LRMDA: variants seen among roughly 807,000 people sequenced by gnomAD.
LRMDA encodes the protein leucine rich melanocyte differentiation associated.
In LRMDA, 18 loss-of-function variants were observed where a neutral mutation model predicts 29.8. The observed-to-expected ratio is 0.60, with a 90% CI of 0.42 to 0.90. The LOEUF is 0.90. Among genes scored for constraint, LRMDA ranks in the 40% least tolerant of loss-of-function variants. LRMDA has a pLI of 0.00. For missense variants in LRMDA, 273 were observed against 273.9 expected (o/e 1.00, Z 0.02); for synonymous variants, 125 against 109.4 (o/e 1.14, Z -0.89).
At chr10:76,333,084 T>C (rs1392519995) in intron 6 of LRMDA, among the ~76,000 whole-genome samples, 1 of 152,028 alleles carries the variant, frequency 6.6e-6, no homozygotes, top group African/African-American at 2.4e-5. Flanking sequence ...GAAGAACATG[T>C]TAAGTGGAGA....
At chr10:75,715,493 G>A in intron 2 of LRMDA, among the ~76,000 whole-genome samples, 1 of 151,704 alleles carries the variant, frequency 6.6e-6, no homozygotes, top group Non-Finnish European at 1.5e-5. Context: ...TGAAAACTAG[G>A]ATCATTCTAT....
intron 2 of LRMDA, among the ~76,000 whole-genome samples, chr10:75,820,267 C>G (rs77232638): frequency 0.017 from 2,582 of 152,244 alleles, 86 homozygotes; most frequent in East Asian, 0.14. Context: ...ACAAGGCAAG[C>G]CTCAATACAT....
chr10:76,553,904 C>G (rs1280465543), intron 6 of LRMDA, among the ~76,000 whole-genome samples: 3 of 152,162 alleles, frequency 2.0e-5, no homozygotes, highest in African/African-American at 7.2e-5. Flanking sequence ...CCCACGCCTT[C>G]CTGGAGCAGC....
At chr10:76,106,131 A>G (rs1849480642) in intron 5 of LRMDA, among the ~76,000 whole-genome samples, 1 of 152,196 alleles carries the variant, frequency 6.6e-6, no homozygotes, top group Non-Finnish European at 1.5e-5. Context: ...CCCAATAAGC[A>G]TGTGCCGAAT....
chr10:75,666,983 G>T (rs996798294), intron 2 of LRMDA, among the ~76,000 whole-genome samples: 1 of 152,128 alleles, frequency 6.6e-6, no homozygotes, highest in Non-Finnish European at 1.5e-5. Context: ...TTCCTGAAAG[G>T]CAGCTAGGAT....
chr10:75,643,144 A>G (rs1193561978), intron 2 of LRMDA: 1 of 152,086 alleles, frequency 6.6e-6, no homozygotes, highest in Non-Finnish European at 1.5e-5. Flanking sequence ...TTTTTTTTAA[A>G]CTTTGTTAAA....
chr10:76,124,999 A>T (rs1849855410), intron 5 of LRMDA, among the ~76,000 whole-genome samples: 1 of 152,248 alleles, frequency 6.6e-6, no homozygotes, highest in South Asian at 2.1e-4. Flanking sequence ...ATTTCTACTT[A>T]ACTAAGAAGG....
chr10:76,217,600 G>A (rs2132253473), intron 5 of LRMDA, among the ~76,000 whole-genome samples: 1 of 152,266 alleles, frequency 6.6e-6, no homozygotes, highest in Non-Finnish European at 1.5e-5. Context: ...ACTGTGATGG[G>A]GAAGAAGAAG....
chr10:75,703,243 C>T (rs371254700), intron 2 of LRMDA, among the ~76,000 whole-genome samples: 26 of 152,090 alleles, frequency 1.7e-4, no homozygotes, highest in South Asian at 8.3e-4. Context: ...TGGATTTCAA[C>T]ACGCTTTTCC....
rs150058092 is a variant in LRMDA at position 76,278,162 on chromosome 10, G to A, written c.517-46239G>A. On this transcript the variant is annotated intron_variant, in intron 5 of 6. Transcript: ENST00000611255. The stretch of plus-strand genomic sequence containing the variant: ...TAATTTCTGGCACTGTCTGGGATGA[G>A]CTGTACTATACCTCCAGTTAACCCT... Among the ~76,000 whole-genome samples, 394 of 152,274 alleles carry A rather than the reference G, an allele frequency of 2.6e-3. 3 individuals carry two copies. The highest frequency in any genetic ancestry group is 9.0e-3 in the African/African-American group (376 of 41,572).
At chr10:76,504,656 G>T (rs1352336331) in intron 6 of LRMDA, among the ~76,000 whole-genome samples, 4 of 151,870 alleles carry the variant, frequency 2.6e-5, no homozygotes, top group Admixed American at 2.0e-4. Context: ...CTTCCTGTTT[G>T]CACGGTAGAT....
chr10:76,059,808 G>A (rs931419521), intron 5 of LRMDA, among the ~76,000 whole-genome samples: 35 of 152,146 alleles, frequency 2.3e-4, no homozygotes, highest in Admixed American at 2.2e-3. Flanking sequence ...TTCTTTCCCT[G>A]AATCCATGAG....
rs144179189 is a variant in LRMDA, at chr10:76,171,705, C to T, written c.516+112922C>T. 2.1e-3 allele frequency among the ~76,000 whole-genome samples: 314 copies of T among 152,312 alleles called. 1 individual carries two copies. Among genetic ancestry groups the T allele is most frequent in the African/African-American group, 7.0e-3 (293 of 41,564 alleles). On this transcript the variant is annotated intron_variant, in intron 5 of 6. Transcript: ENST00000611255. ...GCTTCTCTTTAGGGCATAGCACCAA[C>T]GTCTTCTTGTGAGTGTATCCTAAAA...
chr10:76,188,038 A>G (rs1851180172), intron 5 of LRMDA, among the ~76,000 whole-genome samples: 1 of 152,070 alleles, frequency 6.6e-6, no homozygotes, highest in African/African-American at 2.4e-5. Context: ...GACCCTGGGT[A>G]ACTCCCAGGT....
intron 5 of LRMDA, among the ~76,000 whole-genome samples, chr10:76,313,896 TC>T (rs1840659767): frequency 6.6e-6 from 1 of 152,046 alleles, no homozygotes; most frequent in Non-Finnish European, 1.5e-5. Flanking sequence ...CAACTGTAGT[TC>T]CCACTTGATA....
At chr10:76,267,966 AT>A in intron 5 of LRMDA, among the ~76,000 whole-genome samples, 1 of 152,306 alleles carries the variant, frequency 6.6e-6, no homozygotes, top group Middle Eastern at 3.4e-3. Flanking sequence ...ACATATTGCT[AT>A]TAAAATGATT....
At chr10:75,570,767 T>C (rs919917597) in intron 2 of LRMDA, among the ~76,000 whole-genome samples, 1 of 152,232 alleles carries the variant, frequency 6.6e-6, no homozygotes, top group Non-Finnish European at 1.5e-5. Context: ...TTGCCAGTCC[T>C]GGTACTACTG....
At position 76,047,269 on chromosome 10, in the gene LRMDA, T is replaced by C. The variant is rs1898071; in HGVS notation, c.364T>C (p.Leu122=). The change falls in exon 4 of 7, where the codon TTG becomes CTG. Residue 122 remains leucine (L), a synonymous_variant. Coordinates refer to ENST00000611255, the MANE Select transcript of LRMDA (RefSeq NM_001305581.2). ...GGCCTGTCCCAACGAGCTGGTCAGC[T>C]TGGAAAAGGATGAGGAAGACTACAA... The part of the protein sequence containing the change: ...NVACPNELVS[L]EKDEEDYKRY... 0.43 allele frequency: 695,474 copies of C among 1,612,926 alleles called. 157,388 individuals carry two copies. The highest frequency in any genetic ancestry group is 0.46 in the Non-Finnish European group (540,398 of 1,179,304).
chr10:76,119,022 A>G (rs1849718344), intron 5 of LRMDA, among the ~76,000 whole-genome samples: 1 of 152,046 alleles, frequency 6.6e-6, no homozygotes. Context: ...TCCTGATAAT[A>G]TGACACAAAT....
Sources: allele counts gnomAD v4.1 joint callset (sites outside exome capture counted in the v4.1 genomes callset), GRCh38; gene constraint gnomAD v4.1.1; transcripts MANE v1.5; gene names NCBI Gene and HGNC (gene_info 2026-07-23, HGNC 2026-07-21).